Variants in NPNT observed in about 807,000 individuals in gnomAD.
The protein encoded by NPNT is preosteoblast EGF-like repeat protein with MAM domain.
In NPNT, 45 loss-of-function variants were observed where a neutral mutation model predicts 68.6. The ratio of observed to expected loss-of-function variants is 0.66; its 90% CI spans 0.52 to 0.84. The LOEUF is 0.84. Among genes scored for constraint, NPNT ranks in the 40% least tolerant of loss-of-function variants. The pLI is 0.00. For missense variants in NPNT, 672 were observed against 714.8 expected (o/e 0.94, Z 0.68); for synonymous variants, 233 against 253.3 (o/e 0.92, Z 0.76).
chr4:105,908,678 C>T (rs1393292764), intron 2 of NPNT, among the ~76,000 whole-genome samples: 2 of 151,968 alleles, frequency 1.3e-5, no homozygotes, highest in Non-Finnish European at 2.9e-5. Context: ...ATTCTCCTGC[C>T]TCAGCCTCCC....
chr4:105,920,991 A>G (rs1290150440), intron 2 of NPNT, among the ~76,000 whole-genome samples: 2 of 152,176 alleles, frequency 1.3e-5, no homozygotes, highest in East Asian at 3.8e-4. Flanking sequence ...TCAATGGTTC[A>G]GAATCCAGCA....
At position 105,922,551 on chromosome 4, in the gene NPNT, GT is replaced by G. The variant is rs530445240; in HGVS notation, c.173-4778del. 5.9e-5 allele frequency among the ~76,000 whole-genome samples: 9 copies of G among 151,716 alleles called. 1 individual carries two copies. In the South Asian group the frequency reaches 1.9e-3, roughly 32 times the overall value. ...AGGTGCCCACCACCACACCTGGCTA[GT>G]TTTTTTGTAGAGATAGGGTTTTACC... On this transcript the variant is annotated intron_variant, in intron 2 of 11. Coordinates refer to ENST00000379987, the MANE Select transcript of NPNT (RefSeq NM_001033047.3).
chr4:105,956,939 G>A (rs769898561), intron 8 of NPNT, among the ~76,000 whole-genome samples: 1 of 152,120 alleles, frequency 6.6e-6, no homozygotes, highest in Admixed American at 6.6e-5. Flanking sequence ...GAAGTAGTAA[G>A]CTAAAAACAA....
rs942017868 is a variant in NPNT, at chr4:105,918,716, C to T, written c.173-8620C>T. 2.6e-5 allele frequency among the ~76,000 whole-genome samples: 4 copies of T among 152,128 alleles called. No individual in the cohort carries two copies. In the East Asian group the frequency reaches 7.7e-4, roughly 29 times the overall value. On this transcript the variant is annotated intron_variant, in intron 2 of 11. Coordinates refer to ENST00000379987, the MANE Select transcript of NPNT (RefSeq NM_001033047.3). ...GAGGATGAGAACTTGCTCTCCTATT[C>T]ATTTTTATATCCCCAATTTTTAATA... is the stretch of plus-strand genomic sequence containing the variant.
chr4:105,914,471 TTA>T (rs1308593923), intron 2 of NPNT, among the ~76,000 whole-genome samples: 4 of 138,034 alleles, frequency 2.9e-5, no homozygotes, highest in East Asian at 4.0e-4. Flanking sequence ...ATATAATATA[TTA>T]TATATATAGA....
intron 1 of NPNT, 165 bp downstream of exon 1, chr4:105,895,888 C>G: frequency 1.6e-6 from 1 of 620,598 alleles, no homozygotes; most frequent in South Asian, 2.0e-5. Context: ...CCAGCGGCTC[C>G]GAGTGCCCGC....
Position 105,895,607 on chromosome 4 carries a change from G to C in NPNT, c.-46G>C, listed in dbSNP as rs1184742665. On this transcript the variant is annotated 5_prime_UTR_variant, in exon 1 of 12. Transcript: ENST00000379987. ...CCATCGGCGCCCACCACCCCAACCT[G>C]TTCCTCGCGCGCCACTGCGCTGCGC... 6 of 1,520,628 alleles carry C rather than the reference G, an allele frequency of 3.9e-6. No homozygotes were observed. Among genetic ancestry groups the C allele is most frequent in the Admixed American group, 3.9e-5 (2 of 50,864 alleles). 94.2% of individuals were successfully genotyped at this position (1,520,628 alleles called of 1,614,324 possible).
In NPNT at chr4:105,967,254, C is replaced by T. The variant is rs1195787704; in HGVS notation, c.1412C>T (p.Pro471Leu). The T allele has an allele frequency of 1.2e-6, 2 of 1,614,050 alleles. No individual in the cohort carries two copies. The highest frequency in any genetic ancestry group is 8.5e-7 in the Non-Finnish European group (1 of 1,180,008). Reference protein sequence around the residue: ...PGGKAARLVLPLGRLMHSGDL... With the variant: ...PGGKAARLVLLLGRLMHSGDL... ...GGAAAAGCTGCACGCTTGGTGCTAC[C>T]TCTCGGCCGCCTCATGCATTCAGGG... Residue 471 changes from proline to leucine, a missense_variant, in exon 11 of 12, where the codon CCT becomes CTT. Physicochemically the swap from Pro to Leu is moderately conservative, Grantham distance 98. Coordinates refer to ENST00000379987, the MANE Select transcript of NPNT (RefSeq NM_001033047.3).
chr4:105,948,978 T>C (rs925626347), intron 8 of NPNT, among the ~76,000 whole-genome samples: 1 of 152,178 alleles, frequency 6.6e-6, no homozygotes, highest in Non-Finnish European at 1.5e-5. Context: ...TTTACAGGGC[T>C]AATCCGGTGG....
intron 8 of NPNT, among the ~76,000 whole-genome samples, chr4:105,946,085 T>C (rs141328560): frequency 2.5e-4 from 38 of 152,340 alleles, no homozygotes; most frequent in Middle Eastern, 3.4e-3. Flanking sequence ...AGAGTTATAA[T>C]TAAAAGTATT....
Position 105,911,107 on chromosome 4 carries a change from T to C in NPNT, c.172+13106T>C, listed in dbSNP as rs896555424. Reference sequence around the variant, plus strand: ...CTATTTACACTTTGATTTCAGCTGTTTGCTTAGATTGTACCTGATGTATTT... The same window carrying C: ...CTATTTACACTTTGATTTCAGCTGTCTGCTTAGATTGTACCTGATGTATTT... On this transcript the variant is annotated intron_variant, in intron 2 of 11. Coordinates refer to ENST00000379987, the MANE Select transcript of NPNT (RefSeq NM_001033047.3). 7.9e-5 allele frequency among the ~76,000 whole-genome samples: 12 copies of C among 152,110 alleles called. No homozygotes were observed. The East Asian group carries it at 1.9e-3, about 24-fold the overall frequency.
intron 2 of NPNT, among the ~76,000 whole-genome samples, chr4:105,915,684 A>G (rs1465068202): frequency 6.6e-6 from 1 of 152,230 alleles, no homozygotes; most frequent in Non-Finnish European, 1.5e-5. Context: ...GCTAGAGAAC[A>G]CAGGAGAAGG....
At chr4:105,927,928 A>C (rs1728815360) in intron 3 of NPNT, among the ~76,000 whole-genome samples, 1 of 152,216 alleles carries the variant, frequency 6.6e-6, no homozygotes, top group Admixed American at 6.5e-5. Flanking sequence ...TTAATTTAGC[A>C]AGCACTTTTT....
intron 10 of NPNT, among the ~76,000 whole-genome samples, chr4:105,960,094 G>C (rs1018159276): frequency 6.6e-6 from 1 of 152,212 alleles, no homozygotes; most frequent in Admixed American, 6.5e-5. Flanking sequence ...ACAGGCGTGA[G>C]CCACCGCGCC....
At chr4:105,952,814 C>T (rs1211279565) in intron 8 of NPNT, among the ~76,000 whole-genome samples, 6 of 152,140 alleles carry the variant, frequency 3.9e-5, no homozygotes. Context: ...TGCACTCAGT[C>T]CAAGCAGCCC....
At chr4:105,950,766 C>T (rs1449736106) in intron 8 of NPNT, among the ~76,000 whole-genome samples, 1 of 152,090 alleles carries the variant, frequency 6.6e-6, no homozygotes, top group Non-Finnish European at 1.5e-5. Flanking sequence ...GGAAGAGCCC[C>T]CTCCTTTCCT....
chr4:105,896,744 A>G (rs1725889338), intron 1 of NPNT, among the ~76,000 whole-genome samples: 2 of 152,216 alleles, frequency 1.3e-5, no homozygotes, highest in East Asian at 1.9e-4. Context: ...AGGCGAACGG[A>G]GGGGAACCAG....
intron 2 of NPNT, among the ~76,000 whole-genome samples, chr4:105,914,484 G>T (rs79024546): frequency 0.02 from 2,783 of 137,640 alleles, 76 homozygotes; most frequent in African/African-American, 0.072. Context: ...TATATATAGA[G>T]AGAGAGATAA....
At position 105,953,362 on chromosome 4, in the gene NPNT, A is replaced by G. The variant is rs910966449; in HGVS notation, c.1160-5109A>G. ...AATTTTGCTCTTTACTGTCAGCCCA[A>G]AGGTGTCTGTGGAACTTTGTAGATT... On this transcript the variant is annotated intron_variant, in intron 8 of 11. Transcript: ENST00000379987. Among the ~76,000 whole-genome samples, 4 of 152,164 alleles carry G rather than the reference A, an allele frequency of 2.6e-5. No individual in the cohort carries two copies. In the South Asian group the frequency reaches 6.2e-4, roughly 24 times the overall value.
Sources: gnomAD v4.1 joint callset for allele counts (sites outside exome capture counted in the v4.1 genomes callset) on GRCh38, gnomAD v4.1.1 for gene constraint, MANE v1.5 for transcripts, NCBI Gene and HGNC (gene_info 2026-07-23, HGNC 2026-07-21) for gene names.